GRIK3: variants seen among roughly 807,000 people sequenced by gnomAD.
The protein encoded by GRIK3 is glutamate ionotropic receptor kainate type subunit 3, also known as glutamate receptor ionotropic, kainate 3.
In GRIK3, 29 loss-of-function variants were observed where a neutral mutation model predicts 102.5. That is an observed-to-expected ratio of 0.28 (90% confidence interval 0.21 to 0.39). The LOEUF (loss-of-function observed/expected upper bound fraction) is 0.39, where lower values mean the gene tolerates loss of function less well. Ranked by LOEUF, GRIK3 falls within the 10% of genes least tolerant of loss-of-function variation. GRIK3 has a pLI of 1.00. For synonymous variants in GRIK3, 511 were observed against 504.9 expected (o/e 1.01, Z -0.16); for missense variants, 908 against 1,252.4 (o/e 0.73, Z 4.15).
intron 3 of GRIK3, among the ~76,000 whole-genome samples, chr1:36,877,120 TG>T (rs1197245456): frequency 2.2e-4 from 34 of 152,154 alleles, no homozygotes; most frequent in African/African-American, 8.0e-4. Context: ...AAGGCACTTG[TG>T]GGTAAGAGCT....
rs116717309 is a variant in GRIK3, at chr1:37,030,989, C to T, written c.115+3005G>A. ...CTGGCTCCAAGTCCAGCAGCCCCTC[C>T]ACTACAGATTTGGGGTCAGGTAACC... On this transcript the variant is annotated intron_variant, in intron 1 of 15. Coordinates refer to ENST00000373091, the MANE Select transcript of GRIK3 (RefSeq NM_000831.4). Among the ~76,000 whole-genome samples, 719 of 152,256 alleles carry T rather than the reference C, an allele frequency of 4.7e-3. 7 individuals are homozygous for T. The highest frequency in any genetic ancestry group is 0.017 in the African/African-American group (692 of 41,546).
intron 1 of GRIK3, among the ~76,000 whole-genome samples, chr1:36,929,994 A>G (rs72917579): frequency 0.015 from 2,293 of 152,354 alleles, 46 homozygotes; most frequent in African/African-American, 0.052. Flanking sequence ...CATTCCTGAC[A>G]GTCCATAGAG....
At chr1:36,889,026 G>C (rs571552649) in intron 2 of GRIK3, among the ~76,000 whole-genome samples, 2 of 152,042 alleles carry the variant, frequency 1.3e-5, no homozygotes, top group Non-Finnish European at 2.9e-5. Context: ...TGCCTCCTGC[G>C]TGCCAGGCCC....
chr1:36,936,029 A>G (rs1316898709), intron 1 of GRIK3, among the ~76,000 whole-genome samples: 1 of 152,184 alleles, frequency 6.6e-6, no homozygotes, highest in African/African-American at 2.4e-5. Context: ...ACAGAAAACT[A>G]CAAACAAATC....
chr1:36,947,038 A>G (rs479366), intron 1 of GRIK3, among the ~76,000 whole-genome samples: 10,595 of 152,130 alleles, frequency 0.07, 1,184 homozygotes, highest in African/African-American at 0.23. Flanking sequence ...AGATTGTAGC[A>G]GGAGGTGCTA....
At position 36,850,524 on chromosome 1, in the gene GRIK3, C is replaced by T; in HGVS notation, c.1213-100G>A. ...CATCTCATTCCCATTCATCATGAGC[C>T]TCATTGTCATGATCATCATCATCAT... On this transcript the variant is annotated intron_variant, in intron 8 of 15. Coordinates refer to ENST00000373091, the MANE Select transcript of GRIK3 (RefSeq NM_000831.4). The surrounding 1 kb of genome is among the most constrained non-coding windows in gnomAD (Gnocchi z 4.0). 1.4e-6 allele frequency: 1 copy of T among 719,648 alleles called. No homozygotes were observed. The highest frequency in any genetic ancestry group is 1.5e-5 in the South Asian group (1 of 64,714). 44.6% of individuals were successfully genotyped at this position (719,648 alleles called of 1,614,324 possible).
intron 13 of GRIK3, among the ~76,000 whole-genome samples, chr1:36,812,701 C>T (rs939552645): frequency 3.3e-5 from 5 of 152,054 alleles, no homozygotes; most frequent in South Asian, 2.1e-4. Context: ...CCCAGCATCC[C>T]GCTTCCTGCT....
chr1:36,874,925 G>C (rs1375843173), intron 3 of GRIK3, among the ~76,000 whole-genome samples: 2 of 152,214 alleles, frequency 1.3e-5, no homozygotes, highest in Non-Finnish European at 2.9e-5. Flanking sequence ...CTCCAGCAGA[G>C]GACTAGGCTC....
At chr1:36,813,218 C>T (rs775350337) in intron 13 of GRIK3, among the ~76,000 whole-genome samples, 21 of 152,138 alleles carry the variant, frequency 1.4e-4, no homozygotes, top group Non-Finnish European at 2.8e-4. Context: ...GCCTTCCTTT[C>T]GTCATGTTTC....
At chr1:36,857,199 A>T (rs75829236) in intron 7 of GRIK3, among the ~76,000 whole-genome samples, 3,373 of 152,244 alleles carry the variant, frequency 0.022, 125 homozygotes, top group African/African-American at 0.077. Context: ...TTCCCGATTG[A>T]GCCAGAGGAG....
At chr1:36,860,057 C>T (rs1478340781) in intron 5 of GRIK3, 40 bp from the exon 6 acceptor site, 1 of 1,472,364 alleles carries the variant, frequency 6.8e-7, no homozygotes, top group East Asian at 2.3e-5. Context: ...GGCATGCTCA[C>T]TGCTGAGAAC....
At chr1:36,831,128 C>G (rs1640287402) in intron 10 of GRIK3, among the ~76,000 whole-genome samples, 1 of 152,246 alleles carries the variant, frequency 6.6e-6, no homozygotes, top group South Asian at 2.1e-4. Flanking sequence ...GGGGCTCCTT[C>G]CACAGCCTGC....
At chr1:36,935,501 C>T (rs189117171) in intron 1 of GRIK3, among the ~76,000 whole-genome samples, 30 of 152,250 alleles carry the variant, frequency 2.0e-4, no homozygotes, top group African/African-American at 7.0e-4. Context: ...CCTATGACCG[C>T]TCTGTATCTG....
At chr1:37,012,173 A>G (rs987078232) in intron 1 of GRIK3, among the ~76,000 whole-genome samples, 6 of 152,242 alleles carry the variant, frequency 3.9e-5, no homozygotes, top group Non-Finnish European at 7.3e-5. Context: ...CCAGGGGGCC[A>G]TTGCCTATTG....
intron 1 of GRIK3, among the ~76,000 whole-genome samples, chr1:36,978,014 C>A (rs1486383636): frequency 2.0e-5 from 3 of 152,214 alleles, no homozygotes; most frequent in African/African-American, 7.2e-5. Flanking sequence ...TGGCAGTGTT[C>A]CCTACTACAG....
intron 1 of GRIK3, among the ~76,000 whole-genome samples, chr1:36,928,092 T>A (rs1422753446): frequency 6.6e-6 from 1 of 151,846 alleles, no homozygotes; most frequent in African/African-American, 2.4e-5. Context: ...GCCTGTTGGC[T>A]GTGAACTGCC....
chr1:36,878,374 C>G (rs975450239), intron 3 of GRIK3, among the ~76,000 whole-genome samples: 4 of 152,208 alleles, frequency 2.6e-5, no homozygotes, highest in African/African-American at 9.6e-5. Context: ...TTGGAAATAG[C>G]AGGAACTCAA....
chr1:36,994,580 G>C (rs1194568439), intron 1 of GRIK3, among the ~76,000 whole-genome samples: 39 of 152,222 alleles, frequency 2.6e-4, no homozygotes, highest in Admixed American at 2.6e-3. Flanking sequence ...ATAAGTGTCA[G>C]CTGTTACCTT....
chr1:36,880,255 G>T lies in GRIK3; in HGVS notation c.550+379C>A, dbSNP rs879275217. ...AAGCTATGTGTGTGAGTGTGCAAGT[G>T]TGAGGGTGGATGTGTTTGCAGCAGA... On this transcript the variant is annotated intron_variant, in intron 3 of 15. Transcript: ENST00000373091. This position sits in a 1 kb window ranked among gnomAD's most constrained non-coding sequence, Gnocchi z 5.4. 1.3e-5 allele frequency among the ~76,000 whole-genome samples: 2 copies of T among 152,194 alleles called. No homozygotes were observed. The highest frequency in any genetic ancestry group is 2.9e-5 in the Non-Finnish European group (2 of 68,034).
Sources: allele counts gnomAD v4.1 joint callset (sites outside exome capture counted in the v4.1 genomes callset), GRCh38; gene constraint gnomAD v4.1.1; non-coding constraint Gnocchi (gnomAD v3.1); transcripts MANE v1.5; gene names NCBI Gene and HGNC (gene_info 2026-07-23, HGNC 2026-07-21).